The following SIPA1L1 variants were observed in gnomAD, a reference collection of about 807,000 sequenced individuals.
SIPA1L1 encodes the protein signal induced proliferation associated 1 like 1, also known as signal-induced proliferation-associated 1-like protein 1.
A neutral mutation model predicts 162.7 loss-of-function variants in SIPA1L1; 26 were observed. The observed-to-expected ratio is 0.16, with a 90% CI of 0.12 to 0.22. The LOEUF (loss-of-function observed/expected upper bound fraction) is 0.22. SIPA1L1 is among the 10% of genes least tolerant of loss of function. The probability of loss-of-function intolerance (pLI) is 1.00; values close to 1 mark genes in which losing one functional copy is unlikely to be tolerated. For synonymous variants in SIPA1L1, 829 were observed against 837.4 expected, an observed-to-expected ratio of 0.99 and a Z score of 0.17; for missense variants, 1,874 against 2,241.0, an observed-to-expected ratio of 0.84 and a Z score of 3.31.
At chr14:71,725,663 C>CA (rs946992994) in intron 19 of SIPA1L1, among the ~76,000 whole-genome samples, 1 of 152,028 alleles carries the variant, frequency 6.6e-6, no homozygotes, top group African/African-American at 2.4e-5. Context: ...TGTGGAGTCT[C>CA]ACGCCCCCGG....
chr14:71,515,323 C>T lies in SIPA1L1; in HGVS notation c.-362+2478C>T, dbSNP rs189376085. 5.9e-5 allele frequency among the ~76,000 whole-genome samples: 9 copies of T among 152,128 alleles called. 1 individual carries two copies. In the South Asian group the frequency reaches 1.7e-3, roughly 28 times the overall value. ...CTAAGCTGATACCCTTAGTACATAC[C>T]CTTGAGAATGAAAACTAATGGTTTG... On this transcript the variant is annotated intron_variant, in intron 3 of 23. Transcript: ENST00000381232.
chr14:71,658,768 G>T, intron 9 of SIPA1L1, among the ~76,000 whole-genome samples: 1 of 152,174 alleles, frequency 6.6e-6, no homozygotes, highest in East Asian at 1.9e-4. Flanking sequence ...ATCCATGAGT[G>T]GGTGAAGTTT....
At position 71,702,372 on chromosome 14, in the gene SIPA1L1, TCAC is replaced by T; in HGVS notation, c.3522-5_3522-3del. The T allele has an allele frequency of 6.2e-7, 1 of 1,613,840 alleles. No individual in the cohort carries two copies. ...GATGTTGTCTTTGCCTTTGCGGAAA[TCAC>T]CACAGGTTTGGAGTGAGCCGTAGAT... On this transcript the variant is annotated splice_polypyrimidine_tract_variant and splice_region_variant and intron_variant, in intron 14 of 23. Coordinates refer to ENST00000381232, the MANE Select transcript of SIPA1L1 (RefSeq NM_001386936.1).
At chr14:71,697,450 T>A (rs1196025687) in intron 13 of SIPA1L1, among the ~76,000 whole-genome samples, 1 of 152,104 alleles carries the variant, frequency 6.6e-6, no homozygotes, top group Non-Finnish European at 1.5e-5. Flanking sequence ...TGACTTGCAG[T>A]CACAAGTTGT....
intron 2 of SIPA1L1, among the ~76,000 whole-genome samples, chr14:71,436,930 A>G (rs989928105): frequency 6.6e-6 from 1 of 151,524 alleles, no homozygotes; most frequent in African/African-American, 2.4e-5. Flanking sequence ...ATGCCTGGCT[A>G]ATTTTTTGTA....
chr14:71,518,557 A>G (rs1189247966), intron 3 of SIPA1L1, among the ~76,000 whole-genome samples: 1 of 152,022 alleles, frequency 6.6e-6, no homozygotes, highest in Non-Finnish European at 1.5e-5. Context: ...TTTCATGTGA[A>G]CTTCACATAT....
At chr14:71,324,882 G>A (rs2033604864) in intron 2 of SIPA1L1, among the ~76,000 whole-genome samples, 1 of 152,222 alleles carries the variant, frequency 6.6e-6, no homozygotes, top group South Asian at 2.1e-4. Flanking sequence ...GGTGTTAGGT[G>A]GAGAGATAAA....
At chr14:71,722,736 A>C (rs749382121) in intron 17 of SIPA1L1, among the ~76,000 whole-genome samples, 1 of 152,096 alleles carries the variant, frequency 6.6e-6, no homozygotes, top group Non-Finnish European at 1.5e-5. Flanking sequence ...CTTTAGTTGT[A>C]TAATCTTTTT....
chr14:71,680,667 A>G (rs1396851429), intron 12 of SIPA1L1, among the ~76,000 whole-genome samples: 1 of 152,220 alleles, frequency 6.6e-6, no homozygotes, highest in Admixed American at 6.5e-5. Context: ...AGATCAACAA[A>G]ATGGATAGAT....
At chr14:71,572,859 G>A (rs796304989) in intron 4 of SIPA1L1, among the ~76,000 whole-genome samples, 1 of 152,310 alleles carries the variant, frequency 6.6e-6, no homozygotes, top group African/African-American at 2.4e-5. Context: ...CCGTAGTAAC[G>A]TAAATCCTAA....
At chr14:71,727,577 C>G (rs1018276528) in intron 19 of SIPA1L1, among the ~76,000 whole-genome samples, 1 of 152,134 alleles carries the variant, frequency 6.6e-6, no homozygotes. Context: ...CTATAAGGAA[C>G]CCTTAGGGCC....
In SIPA1L1 at chr14:71,502,353, C is replaced by T. The variant is rs377083456; in HGVS notation, c.-464-10390C>T. 2.0e-3 allele frequency among the ~76,000 whole-genome samples: 301 copies of T among 150,448 alleles called. 1 individual carries two copies. Among genetic ancestry groups the T allele is most frequent in the Middle Eastern group, 3.4e-3 (1 of 292 alleles). On this transcript the variant is annotated intron_variant, in intron 2 of 23. Transcript: ENST00000381232. ...TCCAGGGTTTAAGTGATTCTCATGC[C>T]TCAGCCTCCCGAGTAGCTGAGACTA...
intron 10 of SIPA1L1, 30 bp from the exon 11 acceptor site, chr14:71,671,089 A>T: frequency 6.6e-7 from 1 of 1,514,922 alleles, no homozygotes; most frequent in Non-Finnish European, 8.9e-7. Context: ...AGAAATACTG[A>T]CGTGGCTCTC....
chr14:71,401,163 AG>A (rs1309506071), intron 2 of SIPA1L1, among the ~76,000 whole-genome samples: 1 of 152,196 alleles, frequency 6.6e-6, no homozygotes, highest in Non-Finnish European at 1.5e-5. Flanking sequence ...AGAGCCACTA[AG>A]TAGTTTGTTC....
rs139323528 is a variant in SIPA1L1, at chr14:71,513,367, C to G, written c.-362+522C>G. On this transcript the variant is annotated intron_variant, in intron 3 of 23. Transcript: ENST00000381232. ...TGTGTGTAGAAGAAACATAGTGTTT[C>G]TTTTTACCTAGTGTATCAGTCAGGG... 3.3e-5 allele frequency among the ~76,000 whole-genome samples: 5 copies of G among 152,058 alleles called. No individual in the cohort carries two copies. In the East Asian group the frequency reaches 5.8e-4, roughly 18 times the overall value.
At chr14:71,584,906 G>T (rs1227205751) in intron 4 of SIPA1L1, among the ~76,000 whole-genome samples, 1 of 152,150 alleles carries the variant, frequency 6.6e-6, no homozygotes, top group East Asian at 1.9e-4. Flanking sequence ...CAGGTTTGCT[G>T]ATATTTAAGA....
chr14:71,619,014 C>T, intron 6 of SIPA1L1, 127 bp downstream of exon 6: 1 of 962,352 alleles, frequency 1.0e-6, no homozygotes, highest in Non-Finnish European at 1.5e-6. Context: ...GCAAAGTCCC[C>T]TTTCATTTAT....
chr14:71,722,997 A>G (rs535357404), intron 17 of SIPA1L1, among the ~76,000 whole-genome samples: 49 of 152,292 alleles, frequency 3.2e-4, no homozygotes, highest in African/African-American at 1.1e-3. Flanking sequence ...CAGCCTCCCA[A>G]AGTGCTGGGA....
At chr14:71,407,413 CCCTTCCTTCCTT>C (rs112922074) in intron 2 of SIPA1L1, among the ~76,000 whole-genome samples, 2 of 149,058 alleles carry the variant, frequency 1.3e-5, no homozygotes, top group African/African-American at 5.0e-5. Context: ...CTTTCTCTTT[CCCTTCCTTCCTT>C]CCTTCCTTCC....
Sources: gnomAD v4.1 joint callset for allele counts (sites outside exome capture counted in the v4.1 genomes callset) on GRCh38, gnomAD v4.1.1 for gene constraint, MANE v1.5 for transcripts, NCBI Gene and HGNC (gene_info 2026-07-23, HGNC 2026-07-21) for gene names.